The following SYNM variants were observed in gnomAD, a reference collection of about 807,000 sequenced individuals.
SYNM encodes synemin, also known as desmuslin.
A neutral mutation model predicts 104.0 loss-of-function variants in SYNM; 95 were observed. The ratio of observed to expected loss-of-function variants is 0.91; its 90% CI spans 0.77 to 1.08. SYNM has a LOEUF of 1.08. Ranked by LOEUF, SYNM falls within the 50% of genes least tolerant of loss-of-function variation. The probability of loss-of-function intolerance (pLI) is 0.00; values close to 1 mark genes in which losing one functional copy is unlikely to be tolerated. For synonymous variants in SYNM, 918 were observed against 869.0 expected (o/e 1.06, Z -0.99); for missense variants, 2,150 against 2,052.2 (o/e 1.05, Z -0.92).
In SYNM at chr15:99,106,006, G is replaced by T; in HGVS notation, c.807G>T (p.Arg269=). ...AGTACGGGATACAGGCCGAGGAGCG[G>T]CAGGTCCGTGCGCGGGGATGGCGCG... ...REEYGIQAEE[R]QRVIDCLEDE... is the part of the protein sequence containing the mutation. The change falls in exon 1 of 4, where the codon CGG becomes CGT. Residue 269 remains arginine, a synonymous_variant. Transcript: ENST00000336292. The T allele has an allele frequency of 3.4e-6, 5 of 1,455,236 alleles. No homozygotes were observed. The highest frequency in any genetic ancestry group is 4.5e-6 in the Non-Finnish European group (5 of 1,109,102). The allele number at this position is 1,455,236 out of a possible 1,614,324, so 90.1% of individuals were successfully genotyped here. A position where few individuals can be genotyped will look rare whatever the true frequency, so the allele number is the denominator to read the frequency against.
intron 2 of SYNM, among the ~76,000 whole-genome samples, chr15:99,120,622 C>T (rs2067391428): frequency 6.6e-6 from 1 of 152,200 alleles, no homozygotes; most frequent in Non-Finnish European, 1.5e-5. Context: ...GTGTGGGCTT[C>T]ACGTCAAGGA....
chr15:99,105,084 T>A lies in SYNM; in HGVS notation c.-116T>A. ...GGGCTCTCCCGCTCGCGTCCCAGTC[T>A]GCGGGCCTCCGGGGCAGCGGCGAGG... On this transcript the variant is annotated 5_prime_UTR_variant, in exon 1 of 4. Transcript: ENST00000336292. The A allele has an allele frequency of 1.6e-6, 2 of 1,234,048 alleles. No homozygotes were observed. Among genetic ancestry groups the A allele is most frequent in the Non-Finnish European group, 2.2e-6 (2 of 912,352 alleles). 76.4% of individuals were successfully genotyped at this position (1,234,048 alleles called of 1,614,324 possible). A position where few individuals can be genotyped will look rare whatever the true frequency, so the allele number is the denominator to read the frequency against.
At position 99,130,105 on chromosome 15, in the gene SYNM, A is replaced by G. The variant is rs1207274143; in HGVS notation, c.1745A>G (p.Glu582Gly). ...GAGAGAGAGGTGCCGATTAGTCTAG[A>G]AGTATCCCAGGACAGAAGAGCAGAG... ...VREREVPISL[E>G]VSQDRRAEVS... The change falls in exon 4 of 4, where the codon GAA (glutamate) becomes GGA (glycine). Residue 582 changes from glutamate (E) to glycine (G), a missense_variant. Physicochemically the swap from Glu to Gly is moderately conservative, Grantham distance 98. Transcript: ENST00000336292. The G allele has an allele frequency of 6.2e-7, 1 of 1,613,896 alleles. No individual in the cohort carries two copies. The highest frequency in any genetic ancestry group is 1.7e-5 in the Admixed American group (1 of 60,018).
chr15:99,108,893 C>T (rs2067274369), intron 1 of SYNM, among the ~76,000 whole-genome samples: 2 of 152,258 alleles, frequency 1.3e-5, no homozygotes, highest in African/African-American at 4.8e-5. Flanking sequence ...GCCCGAGGTA[C>T]TCTGCTGATT....
At chr15:99,138,438 C>G (rs1410697875), downstream of SYNM, among the ~76,000 whole-genome samples, 1 of 152,040 alleles carries the variant, frequency 6.6e-6, no homozygotes, top group Admixed American at 6.5e-5. Context: ...CTCAGTCTCC[C>G]GAGTAGCCAG....
chr15:99,115,840 T>TA (rs2067343843), intron 2 of SYNM, among the ~76,000 whole-genome samples: 1 of 152,236 alleles, frequency 6.6e-6, no homozygotes, highest in Non-Finnish European at 1.5e-5. Flanking sequence ...ATCTGGCTGA[T>TA]ACGTTGCTTG....
downstream of SYNM, chr15:99,137,284 G>A (rs1329745546): frequency 6.6e-6 from 1 of 152,364 alleles, no homozygotes; most frequent in Non-Finnish European, 1.5e-5. Flanking sequence ...AGCAGCTCCA[G>A]GTGGCATCCA....
At position 99,130,526 on chromosome 15, in the gene SYNM, C is replaced by T. The variant is rs375492126; in HGVS notation, c.2166C>T (p.Ala722=). The T allele has an allele frequency of 1.1e-5, 18 of 1,613,598 alleles. No individual in the cohort carries two copies. Among genetic ancestry groups the T allele is most frequent in the African/African-American group, 5.3e-5 (4 of 74,834 alleles). ...AAGTGGGGCTGAAAGGCAAGTCAGC[C>T]GAGCAGATGATAGGAGACATCATCA... The part of the protein sequence containing the change: ...IKEVGLKGKS[A]EQMIGDIINL... The change falls in exon 4 of 4, where the codon GCC becomes GCT. Residue 722 remains alanine (A), a synonymous_variant. Transcript: ENST00000336292.
intron 2 of SYNM, among the ~76,000 whole-genome samples, chr15:99,116,402 C>CACCA (rs1555483947): frequency 1.4e-5 from 2 of 146,482 alleles, no homozygotes; most frequent in South Asian, 2.3e-4. Context: ...TCAGACTGCC[C>CACCA]CAAGTCAGAA....
At position 99,105,530 on chromosome 15, in the gene SYNM, G is replaced by C. The variant is rs1160123389; in HGVS notation, c.331G>C (p.Ala111Pro). The change falls in exon 1 of 4, where the codon GCC becomes CCC. Residue 111 changes from alanine (A) to proline (P), a missense_variant. Transcript: ENST00000336292. The stretch of plus-strand genomic sequence containing the variant: ...GCGCGCCGCCCGCGGCCGCCTGGAC[G>C]CCGAGCTGGGTGCGCAGCAGCGCGA... ...EERAARGRLD[A>P]ELGAQQRELQ... 4 of 1,248,254 alleles carry C rather than the reference G, an allele frequency of 3.2e-6. No homozygotes were observed. The African/African-American group carries it at 4.7e-5, about 15-fold the overall frequency. 77.3% of individuals were successfully genotyped at this position (1,248,254 alleles called of 1,614,324 possible).
downstream of SYNM, chr15:99,135,726 G>A (rs2067565797): frequency 6.6e-6 from 1 of 152,244 alleles, no homozygotes; most frequent in East Asian, 1.9e-4. Context: ...TATATGAAAA[G>A]TTCCAGTTCT....
Position 99,105,379 on chromosome 15 carries a change from C to T in SYNM, c.180C>T (p.Cys60=). The stretch of plus-strand genomic sequence containing the variant: ...TGTGGGCCGAGGGGCAGGCCCGCTG[C>T]GCCGAGGAGGCGCGCAGCTTGCGGC... The part of the protein sequence containing the change: ...EGLWAEGQAR[C]AEEARSLRQQ... Residue 60 remains cysteine (C), a synonymous_variant, in exon 1 of 4, where the codon TGC becomes TGT. Coordinates refer to ENST00000336292, the MANE Select transcript of SYNM (RefSeq NM_145728.3). 6.6e-7 allele frequency: 1 copy of T among 1,519,738 alleles called. No individual in the cohort carries two copies. The highest frequency in any genetic ancestry group is 8.8e-7 in the Non-Finnish European group (1 of 1,139,330). The allele number at this position is 1,519,738 out of a possible 1,614,324, so 94.1% of individuals were successfully genotyped here. A position where few individuals can be genotyped will look rare whatever the true frequency, so the allele number is the denominator to read the frequency against.
In SYNM at chr15:99,105,786, G is replaced by C. The variant is rs373403078; in HGVS notation, c.587G>C (p.Arg196Pro). The stretch of plus-strand genomic sequence containing the variant: ...GCACTGCTGGTGGCCGAGTCGTGGC[G>C]GGAGACGGTGCAGCTGTACGAGGAC... ...SYALLVAESW[R>P]ETVQLYEDEV... Residue 196 changes from arginine to proline, a missense_variant, in exon 1 of 4, where the codon CGG (arginine) becomes CCG (proline). Coordinates refer to ENST00000336292, the MANE Select transcript of SYNM (RefSeq NM_145728.3). 36 of 1,541,568 alleles carry C rather than the reference G, an allele frequency of 2.3e-5. No individual in the cohort carries two copies. The South Asian group carries it at 3.8e-4, about 16-fold the overall frequency.
rs2067281781 is a variant in SYNM at position 99,109,558 on chromosome 15, T to G, written c.810+3549T>G. Among the ~76,000 whole-genome samples the G allele has an allele frequency of 2.0e-5, 3 of 152,180 alleles. No homozygotes were observed. In the South Asian group the frequency reaches 6.2e-4, roughly 32 times the overall value. ...GTCCTACCTGGCCCTGAATTCTGAC[T>G]CTGCCGCTCTTTGGGCAGGTTACGT... On this transcript the variant is annotated intron_variant, in intron 1 of 3. Coordinates refer to ENST00000336292, the MANE Select transcript of SYNM (RefSeq NM_145728.3).
Position 99,105,428 on chromosome 15 carries a change from G to T in SYNM, c.229G>T (p.Ala77Ser), listed in dbSNP as rs1201220509. Residue 77 changes from alanine to serine, a missense_variant, in exon 1 of 4, where the codon GCC becomes TCC. Transcript: ENST00000336292. ...LRQQLDELSW[A>S]TALAEGERDA... ...GCAGCAGCTGGACGAGCTGAGCTGG[G>T]CCACTGCGCTGGCGGAGGGCGAGCG... 2 of 1,475,696 alleles carry T rather than the reference G, an allele frequency of 1.4e-6. No homozygotes were observed. Among genetic ancestry groups the T allele is most frequent in the Non-Finnish European group, 1.8e-6 (2 of 1,120,038 alleles). The allele number at this position is 1,475,696 out of a possible 1,614,324, so 91.4% of individuals were successfully genotyped here. A position where few individuals can be genotyped will look rare whatever the true frequency, so the allele number is the denominator to read the frequency against.
downstream of SYNM, chr15:99,139,249 C>T (rs2067925962): frequency 6.3e-7 from 1 of 1,575,540 alleles, no homozygotes; most frequent in Non-Finnish European, 8.6e-7. Flanking sequence ...CTTCTAGAAC[C>T]AGCTTTCTCT....
At chr15:99,129,282 G>T in intron 3 of SYNM, 85 bp from the exon 4 acceptor site, 1 of 1,519,716 alleles carries the variant, frequency 6.6e-7, no homozygotes, top group South Asian at 1.3e-5. Context: ...ATGATGGAAT[G>T]GGATTTGGCC....
rs1271464587 is a variant in SYNM, at chr15:99,127,999, T to G, written c.1006+1207T>G. On this transcript the variant is annotated intron_variant, in intron 3 of 3. Transcript: ENST00000336292. ...GGGCTAACAGCTGTTGCTGTTAACT[T>G]GCTTCATTCATTCATTCATTCATTC... Among the ~76,000 whole-genome samples, 5 of 146,162 alleles carry G rather than the reference T, an allele frequency of 3.4e-5. No homozygotes were observed. The East Asian group carries it at 7.9e-4, about 23-fold the overall frequency.
In SYNM at chr15:99,133,015, A is replaced by G. The variant is rs781867682; in HGVS notation, c.4655A>G (p.Tyr1552Cys). 1 of 1,613,098 alleles carries G rather than the reference A, an allele frequency of 6.2e-7. No individual in the cohort carries two copies. The highest frequency in any genetic ancestry group is 8.5e-7 in the Non-Finnish European group (1 of 1,179,126). ...GATGAAAAGAAAGTTGCCCTCCTCT[A>G]TCTAGACAATGAGGAGGAGGAGAAT... is the stretch of plus-strand genomic sequence containing the variant. ...ISDEKKVALL[Y>C]LDNEEEENDG... Residue 1552 changes from tyrosine to cysteine, a missense_variant, in exon 4 of 4, where the codon TAT becomes TGT. Transcript: ENST00000336292.
Sources: gnomAD v4.1 joint callset for allele counts (sites outside exome capture counted in the v4.1 genomes callset) on GRCh38, gnomAD v4.1.1 for gene constraint, MANE v1.5 for transcripts, NCBI Gene and HGNC (gene_info 2026-07-23, HGNC 2026-07-21) for gene names.